FRMD3: variants seen among roughly 807,000 people sequenced by gnomAD.
The protein encoded by FRMD3 is FERM domain containing 3, also known as FERM domain-containing protein 3.
A neutral mutation model predicts 70.2 loss-of-function variants in FRMD3; 33 were observed. The observed-to-expected ratio is 0.47, with a 90% CI of 0.36 to 0.63. The LOEUF is 0.63. Ranked by LOEUF, FRMD3 falls within the 20% of genes least tolerant of loss-of-function variation. FRMD3 has a pLI of 0.00. For missense variants in FRMD3, 632 were observed against 711.4 expected (o/e 0.89, Z 1.27); for synonymous variants, 279 against 255.9 (o/e 1.09, Z -0.86).
At position 83,460,986 on chromosome 9, in the gene FRMD3, C is replaced by A. The variant is rs563620973; in HGVS notation, c.148-71278G>T. Among the ~76,000 whole-genome samples the A allele has an allele frequency of 2.0e-5, 3 of 151,306 alleles. No homozygotes were observed. In the East Asian group the frequency reaches 5.8e-4, roughly 29 times the overall value. On this transcript the variant is annotated intron_variant, in intron 1 of 13. Transcript: ENST00000304195. ...AGCTCTTGGAGTGTAGAGGTGGGGA[C>A]AGCCAGGGTGAGAGGCACTTACCAC... is the stretch of plus-strand genomic sequence containing the variant.
chr9:83,343,521 G>A (rs1823845391), intron 4 of FRMD3, among the ~76,000 whole-genome samples: 1 of 152,104 alleles, frequency 6.6e-6, no homozygotes. Flanking sequence ...AGCTGAGCAG[G>A]CTCGGCCTTT....
At chr9:83,576,040 T>C in the FRMD3 span, among the ~76,000 whole-genome samples, 2 of 151,220 alleles carry the variant, frequency 1.3e-5, no homozygotes, top group Admixed American at 1.3e-4. Flanking sequence ...AGACCTCATC[T>C]CTACAAAAAA....
intron 3 of FRMD3, among the ~76,000 whole-genome samples, chr9:83,351,565 A>G (rs1368464208): frequency 6.6e-6 from 1 of 152,190 alleles, no homozygotes; most frequent in African/African-American, 2.4e-5. Context: ...ATATCTAGAA[A>G]TTCAGTTCTA....
At chr9:83,348,516 G>C (rs528472351) in intron 4 of FRMD3, among the ~76,000 whole-genome samples, 2 of 152,034 alleles carry the variant, frequency 1.3e-5, no homozygotes, top group Admixed American at 1.3e-4. Context: ...TTTCTTTTGA[G>C]GGTGATGAAA....
At chr9:83,262,820 C>T (rs548769931) in intron 13 of FRMD3, among the ~76,000 whole-genome samples, 118 of 152,280 alleles carry the variant, frequency 7.7e-4, no homozygotes, top group African/African-American at 2.7e-3. Flanking sequence ...ATCCCCCACT[C>T]CCGGACTGAG....
intron 1 of FRMD3, among the ~76,000 whole-genome samples, chr9:83,465,490 C>T (rs1214032039): frequency 1.3e-5 from 2 of 152,198 alleles, no homozygotes; most frequent in African/African-American, 4.8e-5. Context: ...TCTTCCTTCT[C>T]CAGCACAGAT....
chr9:83,561,345 C>T, the FRMD3 span, among the ~76,000 whole-genome samples: 1 of 152,152 alleles, frequency 6.6e-6, no homozygotes, highest in Non-Finnish European at 1.5e-5. Context: ...GCCTCCCTTC[C>T]TCATCCTCTC....
At chr9:83,487,202 C>A (rs1444612669) in intron 1 of FRMD3, among the ~76,000 whole-genome samples, 9 of 152,144 alleles carry the variant, frequency 5.9e-5, no homozygotes, top group Admixed American at 5.9e-4. Flanking sequence ...TAGTCACAAA[C>A]CTGTGTGGGA....
At chr9:83,470,065 C>T (rs997542144) in intron 1 of FRMD3, among the ~76,000 whole-genome samples, 20 of 152,176 alleles carry the variant, frequency 1.3e-4, no homozygotes, top group Admixed American at 9.8e-4. Flanking sequence ...GAACTCATAA[C>T]CATTCCCAGT....
chr9:83,301,530 A>AAG (rs1242512558), intron 10 of FRMD3, among the ~76,000 whole-genome samples: 4 of 151,884 alleles, frequency 2.6e-5, no homozygotes, highest in Non-Finnish European at 5.9e-5. Context: ...TGGCTTAAAA[A>AAG]AAAAAAAAGA....
chr9:83,446,346 C>A (rs1452824080), intron 1 of FRMD3, among the ~76,000 whole-genome samples: 1 of 152,046 alleles, frequency 6.6e-6, no homozygotes, highest in Non-Finnish European at 1.5e-5. Flanking sequence ...AACTGACACT[C>A]GAAAATGAAA....
intron 12 of FRMD3, among the ~76,000 whole-genome samples, chr9:83,297,993 T>C (rs1834744680): frequency 6.6e-6 from 1 of 152,104 alleles, no homozygotes; most frequent in South Asian, 2.1e-4. Context: ...ACCCTGGAAA[T>C]GGAGGAAACT....
chr9:83,279,182 T>C (rs1408894928), intron 13 of FRMD3: 2 of 152,242 alleles, frequency 1.3e-5, no homozygotes, highest in Non-Finnish European at 2.9e-5. Flanking sequence ...ACATTTCTAA[T>C]GTTGAAGTGG....
the FRMD3 span, among the ~76,000 whole-genome samples, chr9:83,562,695 AG>A: frequency 6.6e-6 from 1 of 152,238 alleles, no homozygotes; most frequent in African/African-American, 2.4e-5. Flanking sequence ...GCTGTCACCG[AG>A]CCACAGGCTC....
At chr9:83,548,449 T>C in the FRMD3 span, among the ~76,000 whole-genome samples, 1 of 152,072 alleles carries the variant, frequency 6.6e-6, no homozygotes, top group Admixed American at 6.6e-5. Flanking sequence ...TAAATGCATA[T>C]CACTAAGTGA....
chr9:83,409,639 C>T (rs963580762), intron 1 of FRMD3, among the ~76,000 whole-genome samples: 2 of 152,234 alleles, frequency 1.3e-5, no homozygotes, highest in Non-Finnish European at 2.9e-5. Context: ...ATATTATGTG[C>T]CAGACACTGT....
intron 2 of FRMD3, among the ~76,000 whole-genome samples, chr9:83,382,742 G>A (rs1825395123): frequency 6.6e-6 from 1 of 151,948 alleles, no homozygotes; most frequent in Admixed American, 6.6e-5. Flanking sequence ...TTTTCTTTCT[G>A]CTCTGTCTGA....
chr9:83,353,697 A>G (rs1057419953), intron 3 of FRMD3, among the ~76,000 whole-genome samples: 3 of 152,186 alleles, frequency 2.0e-5, no homozygotes, highest in African/African-American at 7.2e-5. Context: ...TCACTACAGC[A>G]ATTCCTGAGA....
intron 2 of FRMD3, among the ~76,000 whole-genome samples, chr9:83,388,032 C>A (rs1825560954): frequency 6.6e-6 from 1 of 152,168 alleles, no homozygotes; most frequent in Non-Finnish European, 1.5e-5. Flanking sequence ...ACTGCCCTGC[C>A]ACCTTCGTCT....
Sources: gnomAD v4.1 joint callset for allele counts (sites outside exome capture counted in the v4.1 genomes callset) on GRCh38, gnomAD v4.1.1 for gene constraint, MANE v1.5 for transcripts, NCBI Gene and HGNC (gene_info 2026-07-23, HGNC 2026-07-21) for gene names.